Variants in CRYAB observed in about 807,000 individuals in gnomAD.
CRYAB encodes alpha-crystallin B chain.
CRYAB carries 9 observed loss-of-function variants against 12.7 expected under a neutral mutation model. The observed-to-expected ratio is 0.71, with a 90% CI of 0.43 to 1.24. The LOEUF (loss-of-function observed/expected upper bound fraction) is 1.24, where lower values mean the gene tolerates loss of function less well. Among genes scored for constraint, CRYAB ranks in the 50% most tolerant of loss-of-function variants. The pLI, the probability that CRYAB is intolerant of heterozygous loss-of-function variation, is 0.00. For missense variants in CRYAB, 183 were observed against 226.6 expected, an observed-to-expected ratio of 0.81 and a Z score of 1.24; for synonymous variants, 93 against 86.8, an observed-to-expected ratio of 1.07 and a Z score of -0.40.
chr11:111,913,827 T>C (rs1159372261), upstream of CRYAB: 3 of 1,614,106 alleles, frequency 1.9e-6, no homozygotes, highest in Non-Finnish European at 2.5e-6. Context: ...CAATGAGGTC[T>C]ACATCTCCCT....
Position 111,911,680 on chromosome 11 carries a change from A to G in CRYAB, c.45T>C (p.Phe15=), listed in dbSNP as rs782725868. ...AGAGGCGGCTGGGGGAGTGGAAAGG[A>G]AAGAAGGGGCGGCGGATCCAGGGGT... is the stretch of plus-strand genomic sequence containing the variant. ...IHHPWIRRPF[F]PFHSPSRLFD... Residue 15 remains phenylalanine (F), a synonymous_variant, in exon 1 of 3, where the codon TTT becomes TTC. Coordinates refer to ENST00000650687, the MANE Select transcript of CRYAB (RefSeq NM_001289808.2). The G allele has an allele frequency of 6.2e-7, 1 of 1,605,828 alleles. No homozygotes were observed. Among genetic ancestry groups the G allele is most frequent in the Non-Finnish European group, 8.5e-7 (1 of 1,176,402 alleles).
rs1965448217 is a variant in CRYAB, at chr11:111,911,407, C to A, written c.201+117G>T. On this transcript the variant is annotated intron_variant, in intron 1 of 2. Coordinates refer to ENST00000650687, the MANE Select transcript of CRYAB (RefSeq NM_001289808.2). Reference sequence around the variant, plus strand: ...CTAGCAACCTCCTCATTTTTCTTCACATTTGGACACACATGTGCCTAAAAT... The same window carrying A: ...CTAGCAACCTCCTCATTTTTCTTCAAATTTGGACACACATGTGCCTAAAAT... The A allele has an allele frequency of 3.8e-6, 4 of 1,040,124 alleles. No individual in the cohort carries two copies. The South Asian group carries it at 5.5e-5, about 14-fold the overall frequency. 64.4% of individuals were successfully genotyped at this position (1,040,124 alleles called of 1,614,324 possible). A position where few individuals can be genotyped will look rare whatever the true frequency, so the allele number is the denominator to read the frequency against.
upstream of CRYAB, chr11:111,912,696 CTCGGCACTATTTTGGGTGGTGTCGA>C: frequency 9.6e-6 from 4 of 417,714 alleles, no homozygotes; most frequent in Non-Finnish European, 8.8e-6. Context: ...CCCCAAGAGG[CTCGGCACTATTTTGGGTGGTGTCGA>C]CCCCGCCCCC....
intron 1 of CRYAB, among the ~76,000 whole-genome samples, chr11:111,920,524 C>T (rs57527690): frequency 0.28 from 42,151 of 150,710 alleles, 7,354 homozygotes; most frequent in East Asian, 0.58. Context: ...GGCAACAGAG[C>T]GAGACTATGT....
chr11:111,915,788 G>T (rs587656977), upstream of CRYAB, among the ~76,000 whole-genome samples: 1 of 152,266 alleles, frequency 6.6e-6, no homozygotes, highest in South Asian at 2.1e-4. Context: ...TGTTGCTCAG[G>T]ATGGAGTGCA....
At chr11:111,909,230 G>C (rs1214605748) in intron 2 of CRYAB, 1 of 542,822 alleles carries the variant, frequency 1.8e-6, no homozygotes, top group Admixed American at 2.2e-5. Flanking sequence ...ATGTTTAGGG[G>C]TATTTCCCAA....
rs782366958 is a variant in CRYAB at position 111,911,507 on chromosome 11, G to C, written c.201+17C>G. The C allele has an allele frequency of 7.5e-6, 12 of 1,601,412 alleles. No individual in the cohort carries two copies. The highest frequency in any genetic ancestry group is 1.0e-5 in the Non-Finnish European group (12 of 1,174,292). On this transcript the variant is annotated intron_variant, in intron 1 of 2. Transcript: ENST00000650687. ...TTCCAGTAAGGACTCTCCCGTCCTA[G>C]CTGTGGGGAGACTCACCTCTGAGAG...
chr11:111,922,737 T>C (rs587639855), intron 1 of CRYAB, among the ~76,000 whole-genome samples: 3 of 152,360 alleles, frequency 2.0e-5, no homozygotes, highest in South Asian at 4.1e-4. Flanking sequence ...TTTTTTGCAA[T>C]TTAAATAATG....
rs2234704 is a variant in CRYAB, at chr11:111,911,573, G to A, written c.152C>T (p.Pro51Leu). ...STSLSPFYLR[P>L]PSFLRAPSWF... Reference sequence around the variant, plus strand: ...GCTGGGTGCCCGCAGGAAGGAGGGTGGCCGAAGGTAGAAGGGACTCAGGGA... The same window carrying A: ...GCTGGGTGCCCGCAGGAAGGAGGGTAGCCGAAGGTAGAAGGGACTCAGGGA... The change falls in exon 1 of 3, where the codon CCA becomes CTA. Residue 51 changes from proline (P) to leucine (L), a missense_variant. Coordinates refer to ENST00000650687, the MANE Select transcript of CRYAB (RefSeq NM_001289808.2). The A allele has an allele frequency of 1.2e-3, 1,945 of 1,613,224 alleles. 1 individual carries two copies. The highest frequency in any genetic ancestry group is 1.6e-3 in the Non-Finnish European group (1,866 of 1,179,754).
upstream of CRYAB, chr11:111,914,094 C>A: frequency 1.7e-6 from 1 of 580,886 alleles, no homozygotes; most frequent in Non-Finnish European, 3.0e-6. Context: ...ATCTCAGGGC[C>A]TTGTTTGTAC....
chr11:111,914,460 T>C (rs1198868286), upstream of CRYAB, among the ~76,000 whole-genome samples: 4 of 152,100 alleles, frequency 2.6e-5, no homozygotes, highest in African/African-American at 9.7e-5. Context: ...CTGGTGAGAG[T>C]TGCCTAAAGT....
intron 1 of CRYAB, chr11:111,919,265 T>C (rs587653748): frequency 6.9e-4 from 332 of 482,566 alleles, no homozygotes; most frequent in Non-Finnish European, 1.1e-3. Context: ...ACGAGGTCAG[T>C]AGATCGAGAC....
chr11:111,909,306 G>A (rs1460959856), intron 2 of CRYAB: 1 of 460,986 alleles, frequency 2.2e-6, no homozygotes, highest in Non-Finnish European at 4.3e-6. Context: ...GAGTCCCTGA[G>A]GAAGCCCTGA....
At chr11:111,917,917 T>G (rs1555166213), upstream of CRYAB, 3 of 152,126 alleles carry the variant, frequency 2.0e-5, no homozygotes, top group Admixed American at 6.5e-5. Context: ...GTGTGTCCCA[T>G]GTGCCAGGCC....
At chr11:111,919,970 TGGATCACGAGGTCAGGA>T (rs1177148806) in intron 1 of CRYAB, among the ~76,000 whole-genome samples, 2 of 149,800 alleles carry the variant, frequency 1.3e-5, no homozygotes, top group African/African-American at 4.9e-5. Flanking sequence ...CCGAGGCGGG[TGGATCACGAGGTCAGGA>T]GATCGAGACC....
chr11:111,917,550 C>G (rs1965615834), upstream of CRYAB, among the ~76,000 whole-genome samples: 1 of 151,792 alleles, frequency 6.6e-6, no homozygotes, highest in Non-Finnish European at 1.5e-5. Flanking sequence ...CACCTGTAAC[C>G]CCAGCACTTT....
chr11:111,909,449 A>C (rs1965383360), intron 2 of CRYAB, among the ~76,000 whole-genome samples: 1 of 152,186 alleles, frequency 6.6e-6, no homozygotes, highest in South Asian at 2.1e-4. Flanking sequence ...AGCAAAATTG[A>C]AACAGCCTGA....
At chr11:111,910,778 G>T (rs1159255042) in intron 1 of CRYAB, 7 of 409,868 alleles carry the variant, frequency 1.7e-5, no homozygotes, top group Non-Finnish European at 3.2e-5. Flanking sequence ...TGGTTTGTCT[G>T]TGAGACAAAG....
chr11:111,911,422 G>A (rs1965449031), intron 1 of CRYAB, 102 bp downstream of exon 1: 2 of 1,178,084 alleles, frequency 1.7e-6, no homozygotes, highest in African/African-American at 1.5e-5. Context: ...GGACACACAT[G>A]TGCCTAAAAT....
Sources: allele counts gnomAD v4.1 joint callset (sites outside exome capture counted in the v4.1 genomes callset), GRCh38; gene constraint gnomAD v4.1.1; transcripts MANE v1.5; gene names NCBI Gene and HGNC (gene_info 2026-07-23, HGNC 2026-07-21).